Variants in GNB4 observed in about 807,000 individuals in gnomAD.
GNB4 encodes guanine nucleotide-binding protein subunit beta-4.
A neutral mutation model predicts 45.2 loss-of-function variants in GNB4; 28 were observed. The ratio of observed to expected loss-of-function variants is 0.62; its 90% CI spans 0.46 to 0.85. The LOEUF (loss-of-function observed/expected upper bound fraction) is 0.85, where lower values mean the gene tolerates loss of function less well. Among genes scored for constraint, GNB4 ranks in the 40% least tolerant of loss-of-function variants. The pLI, the probability that GNB4 is intolerant of heterozygous loss-of-function variation, is 0.00. For missense variants in GNB4, 321 were observed against 425.4 expected, an observed-to-expected ratio of 0.75 and a Z score of 2.16; for synonymous variants, 132 against 143.7, an observed-to-expected ratio of 0.92 and a Z score of 0.58.
At chr3:179,422,328 T>C (rs907809028) in intron 2 of GNB4, among the ~76,000 whole-genome samples, 2 of 151,996 alleles carry the variant, frequency 1.3e-5, no homozygotes, top group Admixed American at 6.6e-5. Context: ...TATTATCCAT[T>C]ATAAAACAGA....
At chr3:179,461,712 T>C in the GNB4 span, among the ~76,000 whole-genome samples, 1 of 152,098 alleles carries the variant, frequency 6.6e-6, no homozygotes, top group Non-Finnish European at 1.5e-5. Flanking sequence ...AAAAACAAAT[T>C]TTTTTTTGCC....
the GNB4 span, among the ~76,000 whole-genome samples, chr3:179,515,420 G>A: frequency 2.6e-5 from 4 of 152,204 alleles, no homozygotes; most frequent in African/African-American, 9.7e-5. Flanking sequence ...AAGGGAGATA[G>A]GGGTGGGGCT....
the GNB4 span, among the ~76,000 whole-genome samples, chr3:179,524,880 C>T: frequency 3.9e-5 from 6 of 152,028 alleles, no homozygotes; most frequent in East Asian, 3.9e-4. Flanking sequence ...GGGCTAGTTT[C>T]GGAATGAAAC....
chr3:179,451,565 G>A (rs1715878761), upstream of GNB4: 1 of 150,364 alleles, frequency 6.7e-6, no homozygotes, highest in Non-Finnish European at 1.5e-5. Flanking sequence ...CACGAGGCGC[G>A]CGGGCCCGGC....
At chr3:179,514,625 T>G in the GNB4 span, among the ~76,000 whole-genome samples, 1 of 152,166 alleles carries the variant, frequency 6.6e-6, no homozygotes, top group African/African-American at 2.4e-5. Flanking sequence ...CCTAATCTAA[T>G]AGGACTGGGT....
the GNB4 span, among the ~76,000 whole-genome samples, chr3:179,525,275 C>A: frequency 8.7e-3 from 1,329 of 152,178 alleles, 26 homozygotes; most frequent in African/African-American, 0.03. Context: ...GAACCATTAT[C>A]GAGTTTGTAT....
the GNB4 span, among the ~76,000 whole-genome samples, chr3:179,522,019 G>A: frequency 3.3e-5 from 5 of 151,412 alleles, no homozygotes; most frequent in East Asian, 3.9e-4. Flanking sequence ...AAAAATTTTC[G>A]CCGCCCCAAC....
the GNB4 span, among the ~76,000 whole-genome samples, chr3:179,517,437 A>G: frequency 6.6e-6 from 1 of 152,172 alleles, no homozygotes; most frequent in Non-Finnish European, 1.5e-5. Context: ...TTTATTGCTC[A>G]CACAAAGCCT....
chr3:179,421,796 T>C (rs1019720672), intron 2 of GNB4, among the ~76,000 whole-genome samples: 7 of 152,306 alleles, frequency 4.6e-5, no homozygotes, highest in African/African-American at 1.4e-4. Flanking sequence ...TCACAAGTAG[T>C]TGCACTAAAC....
chr3:179,415,161 G>T, intron 5 of GNB4, 114 bp from the exon 6 acceptor site: 1 of 760,556 alleles, frequency 1.3e-6, no homozygotes, highest in Non-Finnish European at 1.9e-6. Flanking sequence ...AGAAAGATAA[G>T]TCAAATAAAA....
chr3:179,527,294 G>T, the GNB4 span, among the ~76,000 whole-genome samples: 1 of 152,190 alleles, frequency 6.6e-6, no homozygotes, highest in African/African-American at 2.4e-5. Context: ...GGATGAAAAA[G>T]GTGCTGAGTG....
chr3:179,453,879 G>A (rs1577044690), upstream of GNB4, among the ~76,000 whole-genome samples: 1 of 151,638 alleles, frequency 6.6e-6, no homozygotes. Context: ...CTTGTTAAAG[G>A]ACAAGCCTAT....
At chr3:179,467,134 C>T in the GNB4 span, among the ~76,000 whole-genome samples, 1 of 152,212 alleles carries the variant, frequency 6.6e-6, no homozygotes, top group Non-Finnish European at 1.5e-5. Flanking sequence ...CTGCCTCAGC[C>T]TCCGAAATGG....
Position 179,396,332 on chromosome 3 carries a change from G to T in GNB4, c.*4881C>A, listed in dbSNP as rs1560205759. On this transcript the variant is annotated 3_prime_UTR_variant, in exon 10 of 10. Transcript: ENST00000232564. ...CACGAGTGTGTACAAATCATTCTAG[G>T]TAAAGACAAACACTTTCAGAATGCT... 1 of 152,158 alleles carries T rather than the reference G, an allele frequency of 6.6e-6. No individual in the cohort carries two copies. Among genetic ancestry groups the T allele is most frequent in the African/African-American group, 2.4e-5 (1 of 41,428 alleles). The allele number at this position is 152,158 out of a possible 1,614,324, so 9.4% of individuals were successfully genotyped here.
chr3:179,418,241 G>A (rs1033978515), intron 4 of GNB4, among the ~76,000 whole-genome samples: 2 of 151,870 alleles, frequency 1.3e-5, no homozygotes, highest in East Asian at 1.9e-4. Flanking sequence ...AGGCTGAGGC[G>A]GTTGGATCAC....
the GNB4 span, among the ~76,000 whole-genome samples, chr3:179,486,601 A>G: frequency 6.6e-6 from 1 of 152,240 alleles, no homozygotes; most frequent in Non-Finnish European, 1.5e-5. Context: ...AAGGAATTTC[A>G]AGAGGAGCTC....
chr3:179,514,218 A>G, the GNB4 span, among the ~76,000 whole-genome samples: 1 of 152,234 alleles, frequency 6.6e-6, no homozygotes, highest in Non-Finnish European at 1.5e-5. Flanking sequence ...TCCCAGAAGA[A>G]GCTGCATTTA....
chr3:179,474,372 C>T, the GNB4 span, among the ~76,000 whole-genome samples: 2,382 of 152,080 alleles, frequency 0.016, 28 homozygotes, highest in South Asian at 0.052. Context: ...TACAGGCACA[C>T]GCCACCATGC....
chr3:179,505,640 C>T, the GNB4 span, among the ~76,000 whole-genome samples: 1 of 152,156 alleles, frequency 6.6e-6, no homozygotes, highest in Non-Finnish European at 1.5e-5. Context: ...AAGAATTATA[C>T]TTATTTACCC....
Sources: allele counts gnomAD v4.1 joint callset (sites outside exome capture counted in the v4.1 genomes callset), GRCh38; gene constraint gnomAD v4.1.1; transcripts MANE v1.5; gene names NCBI Gene and HGNC (gene_info 2026-07-23, HGNC 2026-07-21).